The following ZNF2 variants were observed in gnomAD, a reference collection of about 807,000 sequenced individuals.
ZNF2 encodes zinc finger protein 2.2.
ZNF2 carries 12 observed loss-of-function variants against 21.9 expected under a neutral mutation model. The observed-to-expected ratio is 0.55, with a 90% CI of 0.35 to 0.89. ZNF2 has a LOEUF of 0.89. Ranked by LOEUF, ZNF2 falls within the 40% of genes least tolerant of loss-of-function variation. ZNF2 has a pLI of 0.01. For synonymous variants in ZNF2, 186 were observed against 196.3 expected, an observed-to-expected ratio of 0.95 and a Z score of 0.44; for missense variants, 462 against 544.2, an observed-to-expected ratio of 0.85 and a Z score of 1.50.
At chr2:95,173,526 A>G (rs1381141957) in intron 1 of ZNF2, among the ~76,000 whole-genome samples, 2 of 152,238 alleles carry the variant, frequency 1.3e-5, no homozygotes, top group East Asian at 1.9e-4. Flanking sequence ...CCAGGCAGAC[A>G]TGGTTTCAAG....
Position 95,182,083 on chromosome 2 carries a change from T to TA in ZNF2, c.1256dup (p.Tyr419Ter), listed in dbSNP as rs762238769. The TA allele has an allele frequency of 6.2e-6, 10 of 1,608,580 alleles. No individual in the cohort carries two copies. The highest frequency in any genetic ancestry group is 8.5e-6 in the Non-Finnish European group (10 of 1,176,016). Residue 419 changes from tyrosine (Y) to a stop codon, truncating the protein, a stop_gained and frameshift_variant, in exon 5 of 5, where the codon TAC becomes TAAC. Coordinates refer to ENST00000614034, the MANE Select transcript of ZNF2 (RefSeq NM_021088.4). LOFTEE classifies it high-confidence loss of function. ...TTCTGTTATTCAACATCAACGGCGT[T>TA]ACGCCAAACAGGGAATAGACTGAGT... ...KSSVIQHQRR[Y>*]AKQGID
At chr2:95,173,765 G>A (rs1489147620) in intron 1 of ZNF2, among the ~76,000 whole-genome samples, 1 of 152,246 alleles carries the variant, frequency 6.6e-6, no homozygotes, top group Non-Finnish European at 1.5e-5. Context: ...CTGGAGTGCA[G>A]TGGCACGATC....
Position 95,175,089 on chromosome 2 carries a change from T to C in ZNF2, c.-39-1099T>C, listed in dbSNP as rs571422326. On this transcript the variant is annotated intron_variant, in intron 1 of 4. Coordinates refer to ENST00000614034, the MANE Select transcript of ZNF2 (RefSeq NM_021088.4). ...GGTCTTGCTATGTTGCCCAGGCTGG[T>C]CTTGAGAACTCCTGGCCTCAAGTGA... Among the ~76,000 whole-genome samples, 90 of 152,208 alleles carry C rather than the reference T, an allele frequency of 5.9e-4. 2 individuals carry two copies. The highest frequency in any genetic ancestry group is 1.8e-3 in the African/African-American group (75 of 41,534).
chr2:95,172,513 T>C (rs549535744), intron 1 of ZNF2, among the ~76,000 whole-genome samples: 2 of 152,334 alleles, frequency 1.3e-5, no homozygotes, highest in East Asian at 3.9e-4. Flanking sequence ...AAATAACTTA[T>C]AACTCACCAC....
intron 3 of ZNF2, among the ~76,000 whole-genome samples, chr2:95,178,988 T>G (rs1297744387): frequency 6.6e-6 from 1 of 150,648 alleles, no homozygotes; most frequent in African/African-American, 2.4e-5. Context: ...GGTTTGGTTT[T>G]TTTTGTTTTT....
chr2:95,181,342 C>T lies in ZNF2; in HGVS notation c.514C>T (p.His172Tyr). 2 of 1,614,218 alleles carry T rather than the reference C, an allele frequency of 1.2e-6. No homozygotes were observed. The highest frequency in any genetic ancestry group is 2.2e-5 in the East Asian group (1 of 44,878). ...CAGGGAAATTCTCACTAAAGAGAGACACCAGGAATGCAGTGACTGTGGGAA... is the reference window on the plus strand; with the variant it reads ...CAGGGAAATTCTCACTAAAGAGAGATACCAGGAATGCAGTGACTGTGGGAA... ...LSREILTKER[H>Y]QECSDCGKTF... The change falls in exon 5 of 5, where the codon CAC becomes TAC. Residue 172 changes from histidine (H) to tyrosine (Y), a missense_variant. Physicochemically the swap from His to Tyr is moderately conservative, Grantham distance 83 (BLOSUM62 2). Coordinates refer to ENST00000614034, the MANE Select transcript of ZNF2 (RefSeq NM_021088.4).
At chr2:95,169,738 A>G (rs1036987321) in intron 1 of ZNF2, among the ~76,000 whole-genome samples, 1 of 152,192 alleles carries the variant, frequency 6.6e-6, no homozygotes, top group Admixed American at 6.5e-5. Context: ...AGACAGAGCG[A>G]GACCCTGTCT....
intron 3 of ZNF2, among the ~76,000 whole-genome samples, chr2:95,177,925 G>A (rs1674504766): frequency 6.6e-6 from 1 of 152,174 alleles, no homozygotes; most frequent in Non-Finnish European, 1.5e-5. Context: ...TAGAGGCAGG[G>A]AGCTGGCGCT....
chr2:95,181,732 C>T lies in ZNF2; in HGVS notation c.904C>T (p.Arg302Cys), dbSNP rs746208877. ...CTTTAGCCAGAAAAGTATTCTTACTCGCCATCAGCTAATCCACACTGGCAG... is the reference window on the plus strand; with the variant it reads ...CTTTAGCCAGAAAAGTATTCTTACTTGCCATCAGCTAATCCACACTGGCAG... ...KAFSQKSILT[R>C]HQLIHTGRKP... Residue 302 changes from arginine (R) to cysteine (C), a missense_variant, in exon 5 of 5, where the codon CGC becomes TGC. By Grantham distance (180) the Arg-to-Cys change is radical (BLOSUM62 -3). Coordinates refer to ENST00000614034, the MANE Select transcript of ZNF2 (RefSeq NM_021088.4). 3.7e-6 allele frequency: 6 copies of T among 1,614,066 alleles called. No homozygotes were observed. Among genetic ancestry groups the T allele is most frequent in the East Asian group, 2.2e-5 (1 of 44,894 alleles).
rs1299095060 is a variant in ZNF2 at position 95,183,512 on chromosome 2, G to GA, written c.*1411dup. On this transcript the variant is annotated 3_prime_UTR_variant, in exon 5 of 5. Coordinates refer to ENST00000614034, the MANE Select transcript of ZNF2 (RefSeq NM_021088.4). ...GACCTAAAATAGCTCCCTATTTAGT[G>GA]AAAAATTATCTGAATATTTAAGGTC... is the stretch of plus-strand genomic sequence containing the variant. 1 of 151,650 alleles carries GA rather than the reference G, an allele frequency of 6.6e-6. No homozygotes were observed. Among genetic ancestry groups the GA allele is most frequent in the Non-Finnish European group, 1.5e-5 (1 of 67,980 alleles). 9.4% of individuals were successfully genotyped at this position (151,650 alleles called of 1,614,324 possible).
At position 95,181,218 on chromosome 2, in the gene ZNF2, C is replaced by G; in HGVS notation, c.390C>G (p.Pro130=). The G allele has an allele frequency of 6.2e-7, 1 of 1,614,180 alleles. No individual in the cohort carries two copies. Among genetic ancestry groups the G allele is most frequent in the Non-Finnish European group, 8.5e-7 (1 of 1,180,028 alleles). The change falls in exon 5 of 5, where the codon CCC becomes CCG. Residue 130 remains proline, a synonymous_variant. Transcript: ENST00000614034. ...GTCCTAAATTTGAAGTTCATACACC[C>G]AATGGCAGGATGGGAACAGAAAAGC... The part of the protein sequence containing the change: ...PLCPKFEVHT[P]NGRMGTEKQS...
rs1674786348 is a variant in ZNF2, at chr2:95,184,210, C to T, written c.*2104C>T. On this transcript the variant is annotated 3_prime_UTR_variant, in exon 5 of 5. Transcript: ENST00000614034. ...CGGCAGGGAAGACTTGATCTGTGGA[C>T]TTTTGAAAGCAACTTGAGGAAAAAC... 1 of 152,150 alleles carries T rather than the reference C, an allele frequency of 6.6e-6. No homozygotes were observed. The highest frequency in any genetic ancestry group is 6.6e-5 in the Admixed American group (1 of 15,262). The allele number at this position is 152,150 out of a possible 1,614,324, so 9.4% of individuals were successfully genotyped here. A position where few individuals can be genotyped will look rare whatever the true frequency, so the allele number is the denominator to read the frequency against.
intron 1 of ZNF2, among the ~76,000 whole-genome samples, chr2:95,166,496 A>G (rs1366936766): frequency 2.0e-5 from 3 of 152,148 alleles, no homozygotes; most frequent in Non-Finnish European, 2.9e-5. Context: ...TGGCTTATAT[A>G]GGTGTGATCC....
rs369589011 is a variant in ZNF2 at position 95,181,982 on chromosome 2, C to T, written c.1154C>T (p.Thr385Met). 85 of 1,614,298 alleles carry T rather than the reference C, an allele frequency of 5.3e-5. No individual in the cohort carries two copies. Among genetic ancestry groups the T allele is most frequent in the African/African-American group, 1.6e-4 (12 of 75,084 alleles). Residue 385 changes from threonine to methionine, a missense_variant, in exon 5 of 5, where the codon ACG (threonine) becomes ATG (methionine). Coordinates refer to ENST00000614034, the MANE Select transcript of ZNF2 (RefSeq NM_021088.4). ...GCCTTTAGCCAGCGGTGCCGGCTCACGCGGCATCAGCGTGTCCACACGGGA... is the reference window on the plus strand; with the variant it reads ...GCCTTTAGCCAGCGGTGCCGGCTCATGCGGCATCAGCGTGTCCACACGGGA... ...GKAFSQRCRL[T>M]RHQRVHTGEK...
intron 1 of ZNF2, among the ~76,000 whole-genome samples, chr2:95,175,649 TC>T (rs1674415122): frequency 6.6e-6 from 1 of 152,152 alleles, no homozygotes; most frequent in African/African-American, 2.4e-5. Flanking sequence ...CACATCTCAA[TC>T]TACTAGTCAT....
chr2:95,174,991 C>T (rs763457568), intron 1 of ZNF2, among the ~76,000 whole-genome samples: 2 of 152,126 alleles, frequency 1.3e-5, no homozygotes, highest in African/African-American at 4.8e-5. Flanking sequence ...CTCCCAGCCA[C>T]CATAAATCCC....
intron 3 of ZNF2, among the ~76,000 whole-genome samples, chr2:95,179,285 C>T (rs1026450528): frequency 6.6e-6 from 1 of 152,170 alleles, no homozygotes; most frequent in African/African-American, 2.4e-5. Flanking sequence ...AGCCACTGTG[C>T]CCAGCCTCAT....
intron 1 of ZNF2, among the ~76,000 whole-genome samples, chr2:95,173,513 C>G (rs549734134): frequency 1.3e-5 from 2 of 152,202 alleles, no homozygotes; most frequent in Non-Finnish European, 2.9e-5. Context: ...AAGTTAAAAC[C>G]TCCCAGGCAG....
intron 4 of ZNF2, 92 bp downstream of exon 4, chr2:95,180,364 A>G: frequency 1.2e-6 from 1 of 818,622 alleles, no homozygotes; most frequent in Non-Finnish European, 2.0e-6. Context: ...CTTTCTCTCA[A>G]ATTCAAGTCT....
Sources: allele counts gnomAD v4.1 joint callset (sites outside exome capture counted in the v4.1 genomes callset), GRCh38; gene constraint gnomAD v4.1.1; transcripts MANE v1.5; gene names NCBI Gene and HGNC (gene_info 2026-07-23, HGNC 2026-07-21).